Variants in RASA1 observed in about 807,000 individuals in gnomAD.
RASA1 encodes ras GTPase-activating protein 1.
A neutral mutation model predicts 132.2 loss-of-function variants in RASA1; 25 were observed. That is an observed-to-expected ratio of 0.19 (90% CI 0.14 to 0.26). RASA1 has a LOEUF of 0.26. Ranked by LOEUF, RASA1 falls within the 10% of genes least tolerant of loss-of-function variation. The probability of loss-of-function intolerance (pLI) is 1.00; values close to 1 mark genes in which losing one functional copy is unlikely to be tolerated. For synonymous variants in RASA1, 477 were observed against 449.9 expected (o/e 1.06, Z -0.76); for missense variants, 964 against 1,299.2 (o/e 0.74, Z 3.97).
chr5:87,342,955 G>A (rs970399965), intron 6 of RASA1, among the ~76,000 whole-genome samples: 4 of 151,958 alleles, frequency 2.6e-5, no homozygotes, highest in African/African-American at 7.3e-5. Flanking sequence ...ACTTTCACTC[G>A]GAAGTCTTTT....
chr5:87,332,740 G>T (rs1369628288), intron 3 of RASA1, 98 bp downstream of exon 3: 2 of 1,230,896 alleles, frequency 1.6e-6, no homozygotes, highest in Non-Finnish European at 2.3e-6. Context: ...TATAATTCAA[G>T]AAGTATTTGT....
At chr5:87,330,924 T>C (rs891313755) in intron 1 of RASA1, 2 of 1,393,056 alleles carry the variant, frequency 1.4e-6, no homozygotes, top group African/African-American at 2.9e-5. Context: ...ATAAAACATT[T>C]TATATTCTCA....
intron 6 of RASA1, among the ~76,000 whole-genome samples, chr5:87,344,889 T>C (rs1758741600): frequency 1.3e-5 from 2 of 152,068 alleles, no homozygotes; most frequent in African/African-American, 4.8e-5. Context: ...AGCTCATTCA[T>C]CACTTCCCCC....
chr5:87,303,925 C>T (rs1433742102), intron 1 of RASA1, among the ~76,000 whole-genome samples: 1 of 151,336 alleles, frequency 6.6e-6, no homozygotes, highest in Non-Finnish European at 1.5e-5. Context: ...ACTGCACCTC[C>T]TGGGTTCAAG....
intron 1 of RASA1, among the ~76,000 whole-genome samples, chr5:87,325,020 C>T (rs964122871): frequency 1.3e-5 from 2 of 152,076 alleles, no homozygotes; most frequent in Non-Finnish European, 2.9e-5. Flanking sequence ...AAGACAAACC[C>T]GAGATGGGGT....
chr5:87,362,553 TCAAGAA>T lies in RASA1; in HGVS notation c.1340_1345del (p.Glu447_Gln448del), dbSNP rs2112456366. ...TTTTAATGTTTTTTAAAATTCAGGA[TCAAGAA>T]CAAGTACTCAATGACACAGTGGATG... On this transcript the variant is annotated inframe_deletion, in exon 10 of 25. Coordinates refer to ENST00000274376, the MANE Select transcript of RASA1 (RefSeq NM_002890.3). The T allele has an allele frequency of 1.9e-6, 3 of 1,589,940 alleles. No homozygotes were observed. The highest frequency in any genetic ancestry group is 2.6e-6 in the Non-Finnish European group (3 of 1,158,666).
chr5:87,279,793 A>G (rs1754232482), intron 1 of RASA1, among the ~76,000 whole-genome samples: 1 of 152,258 alleles, frequency 6.6e-6, no homozygotes. Context: ...AGATACATGC[A>G]TATATAAAAG....
chr5:87,325,288 C>T (rs984090539), intron 1 of RASA1, among the ~76,000 whole-genome samples: 1 of 152,126 alleles, frequency 6.6e-6, no homozygotes, highest in East Asian at 1.9e-4. Context: ...CGGGTCCCAC[C>T]CACAACATGT....
Position 87,391,069 on chromosome 5 carries a change from T to C in RASA1, c.*186T>C, listed in dbSNP as rs1051488882. Reference sequence around the variant, plus strand: ...ACTATGCCAGCAACCTTGTAAGCTATCTGTGCAGGATATTTGCACTATTTC... The same window carrying C: ...ACTATGCCAGCAACCTTGTAAGCTACCTGTGCAGGATATTTGCACTATTTC... On this transcript the variant is annotated 3_prime_UTR_variant, in exon 25 of 25. Coordinates refer to ENST00000274376, the MANE Select transcript of RASA1 (RefSeq NM_002890.3). The C allele has an allele frequency of 1.2e-5, 8 of 683,162 alleles. No homozygotes were observed. Among genetic ancestry groups the C allele is most frequent in the Non-Finnish European group, 2.1e-5 (8 of 378,624 alleles). The allele number at this position is 683,162 out of a possible 1,614,324, so 42.3% of individuals were successfully genotyped here.
chr5:87,356,755 C>T (rs1378312602), intron 9 of RASA1, among the ~76,000 whole-genome samples: 1 of 152,170 alleles, frequency 6.6e-6, no homozygotes, highest in African/African-American at 2.4e-5. Flanking sequence ...TAGTAGACTA[C>T]AGTATAGTTG....
intron 1 of RASA1, among the ~76,000 whole-genome samples, chr5:87,301,849 T>C (rs1755379612): frequency 6.6e-6 from 1 of 152,212 alleles, no homozygotes; most frequent in African/African-American, 2.4e-5. Context: ...GTTTATGAGA[T>C]TTATTCATGT....
chr5:87,377,112 A>C (rs922267361), intron 17 of RASA1, 72 bp downstream of exon 17: 9 of 1,492,432 alleles, frequency 6.0e-6, no homozygotes, highest in East Asian at 2.3e-5. Context: ...TATGGACTCT[A>C]TCTCTGAATA....
At chr5:87,388,262 A>G (rs1762205922) in intron 23 of RASA1, among the ~76,000 whole-genome samples, 1 of 152,168 alleles carries the variant, frequency 6.6e-6, no homozygotes, top group Non-Finnish European at 1.5e-5. Flanking sequence ...TCTCTGTCCC[A>G]TAGATAACAT....
At chr5:87,329,285 A>G (rs1472851521) in intron 1 of RASA1, among the ~76,000 whole-genome samples, 1 of 151,586 alleles carries the variant, frequency 6.6e-6, no homozygotes. Flanking sequence ...TCTCTCCAAA[A>G]AAAAAAAAAA....
At chr5:87,383,483 G>C (rs1761866452) in intron 20 of RASA1, among the ~76,000 whole-genome samples, 1 of 151,836 alleles carries the variant, frequency 6.6e-6, no homozygotes, top group African/African-American at 2.4e-5. Flanking sequence ...TTCTAAATTG[G>C]GAAAAGTGAG....
intron 1 of RASA1, among the ~76,000 whole-genome samples, chr5:87,303,814 G>T (rs1465884238): frequency 1.3e-5 from 2 of 148,806 alleles, no homozygotes; most frequent in Non-Finnish European, 3.0e-5. Flanking sequence ...ATTACGAAAT[G>T]TCTGTTATCT....
At chr5:87,280,995 CCACTGAA>C (rs969783208) in intron 1 of RASA1, among the ~76,000 whole-genome samples, 4 of 151,574 alleles carry the variant, frequency 2.6e-5, no homozygotes, top group African/African-American at 9.7e-5. Flanking sequence ...ACCCAGTTAT[CCACTGAA>C]CATTTGGGTT....
At chr5:87,329,819 CTAAA>C (rs1318277142) in intron 1 of RASA1, among the ~76,000 whole-genome samples, 1 of 152,082 alleles carries the variant, frequency 6.6e-6, no homozygotes, top group Non-Finnish European at 1.5e-5. Flanking sequence ...ATTTTCACAA[CTAAA>C]TAAACTCATA....
At chr5:87,277,432 AG>A (rs1754117817) in intron 1 of RASA1, among the ~76,000 whole-genome samples, 1 of 152,190 alleles carries the variant, frequency 6.6e-6, no homozygotes, top group Non-Finnish European at 1.5e-5. Flanking sequence ...TGAATCCTAT[AG>A]GACGGGTACC....
Sources: gnomAD v4.1 joint callset for allele counts (sites outside exome capture counted in the v4.1 genomes callset) on GRCh38, gnomAD v4.1.1 for gene constraint, MANE v1.5 for transcripts, NCBI Gene and HGNC (gene_info 2026-07-23, HGNC 2026-07-21) for gene names.